Variants in PDE10A observed in about 807,000 individuals in gnomAD.
The protein encoded by PDE10A is phosphodiesterase 10A.
A neutral mutation model predicts 97.7 loss-of-function variants in PDE10A; 39 were observed. That is an observed-to-expected ratio of 0.40 (90% CI 0.31 to 0.52). The LOEUF is 0.52. PDE10A is among the 20% of genes least tolerant of loss of function. The pLI, the probability that PDE10A is intolerant of heterozygous loss-of-function variation, is 0.56. For missense variants in PDE10A, 731 were observed against 1,047.8 expected, an observed-to-expected ratio of 0.70 and a Z score of 4.17; for synonymous variants, 371 against 376.8, an observed-to-expected ratio of 0.98 and a Z score of 0.18.
chr6:165,630,909 G>A (rs1788598620), intron 1 of PDE10A, among the ~76,000 whole-genome samples: 8 of 152,140 alleles, frequency 5.3e-5, no homozygotes, highest in Admixed American at 5.2e-4. Flanking sequence ...TCTAGAATCG[G>A]CTGGATGGAA....
intron 10 of PDE10A, among the ~76,000 whole-genome samples, chr6:165,422,539 A>T (rs1215610987): frequency 2.0e-5 from 3 of 152,218 alleles, no homozygotes; most frequent in Non-Finnish European, 2.9e-5. Flanking sequence ...GCAACAGTAG[A>T]TTTTAAATTC....
chr6:165,563,908 C>T (rs1247379458), intron 1 of PDE10A, among the ~76,000 whole-genome samples: 1 of 151,188 alleles, frequency 6.6e-6, no homozygotes, highest in Non-Finnish European at 1.5e-5. Context: ...AAAAAGGTAG[C>T]TATAATGATG....
At chr6:165,432,231 A>G (rs193280083) in intron 7 of PDE10A, among the ~76,000 whole-genome samples, 246 of 152,336 alleles carry the variant, frequency 1.6e-3, no homozygotes, top group African/African-American at 5.4e-3. Context: ...AAAGCAGAAG[A>G]AGAGAGAAAG....
chr6:165,681,788 A>C (rs1790985275), intron 1 of PDE10A, among the ~76,000 whole-genome samples: 1 of 152,192 alleles, frequency 6.6e-6, no homozygotes, highest in East Asian at 1.9e-4. Flanking sequence ...GGTTTTACAA[A>C]CTGCTCCTAG....
intron 10 of PDE10A, among the ~76,000 whole-genome samples, chr6:165,420,235 C>T (rs1213927935): frequency 2.0e-5 from 3 of 152,116 alleles, no homozygotes; most frequent in Non-Finnish European, 2.9e-5. Context: ...GGGACATAGC[C>T]GCGTTCATTC....
chr6:165,431,534 T>C lies in PDE10A; in HGVS notation c.1492-62A>G. On this transcript the variant is annotated intron_variant, in intron 7 of 21. Coordinates refer to ENST00000539869, the MANE Select transcript of PDE10A (RefSeq NM_001385079.1). ...ATACATAACGTATATATATATACTA[T>C]ATATAATATACTATATATCATATGT... 9.8e-6 allele frequency: 5 copies of C among 510,970 alleles called. No individual in the cohort carries two copies. The Admixed American group carries it at 9.8e-5, about 10-fold the overall frequency. The allele number at this position is 510,970 out of a possible 1,614,324, so 31.7% of individuals were successfully genotyped here.
intron 1 of PDE10A, among the ~76,000 whole-genome samples, chr6:165,826,335 C>T (rs533954607): frequency 5.3e-5 from 8 of 151,054 alleles, no homozygotes; most frequent in African/African-American, 1.7e-4. Flanking sequence ...TCCTTCTGTC[C>T]CCATGTCCCT....
At chr6:165,413,751 G>T (rs1486712976) in intron 12 of PDE10A, 64 bp from the exon 13 acceptor site, 1 of 1,336,762 alleles carries the variant, frequency 7.5e-7, no homozygotes, top group Non-Finnish European at 1.0e-6. Context: ...AAAGGACACA[G>T]TCAGTCATAA....
chr6:165,507,415 T>C (rs868769306), intron 2 of PDE10A, among the ~76,000 whole-genome samples: 6 of 152,088 alleles, frequency 3.9e-5, no homozygotes, highest in Admixed American at 2.0e-4. Context: ...GCTAACACAG[T>C]ACTTGTAAAT....
At chr6:165,563,716 A>C (rs2769932) in intron 1 of PDE10A, among the ~76,000 whole-genome samples, 149,335 of 151,896 alleles carry the variant, frequency 0.98, 73,469 homozygotes, top group Middle Eastern at 1. Context: ...CATAGTGAAA[A>C]CCTGTCTCTA....
At chr6:165,818,833 T>C (rs1004878903) in intron 1 of PDE10A, among the ~76,000 whole-genome samples, 11 of 152,224 alleles carry the variant, frequency 7.2e-5, no homozygotes, top group African/African-American at 2.7e-4. Context: ...TAGAAGAGTA[T>C]TAAACCCTGC....
chr6:165,947,469 T>A (rs1324132347), intron 1 of PDE10A, among the ~76,000 whole-genome samples: 1 of 152,212 alleles, frequency 6.6e-6, no homozygotes, highest in East Asian at 1.9e-4. Flanking sequence ...ATTTATTCTA[T>A]ATTATTGATG....
At chr6:165,718,656 G>T (rs1207724839) in intron 1 of PDE10A, among the ~76,000 whole-genome samples, 2 of 150,948 alleles carry the variant, frequency 1.3e-5, no homozygotes, top group Non-Finnish European at 2.9e-5. Context: ...TTTCCCCCCG[G>T]ACGAGACACA....
At chr6:165,415,312 A>G (rs1788232158) in intron 12 of PDE10A, among the ~76,000 whole-genome samples, 2 of 152,176 alleles carry the variant, frequency 1.3e-5, no homozygotes. Flanking sequence ...TGTATATTTG[A>G]CATCAATTGA....
Position 165,530,615 on chromosome 6 carries a change from C to CA in PDE10A, c.994+12824_994+12825insT, listed in dbSNP as rs899421234. ...GTAAAACACCTGCACATGTACCCCC[C>CA]CCACGAATCTAAAATAAAAGTTAAA... On this transcript the variant is annotated intron_variant, in intron 2 of 21. Transcript: ENST00000539869. Among the ~76,000 whole-genome samples the CA allele has an allele frequency of 2.5e-4, 31 of 125,234 alleles. No individual in the cohort carries two copies. In the Admixed American group the frequency reaches 2.5e-3, roughly 10 times the overall value. 82.2% of individuals were successfully genotyped at this position (125,234 alleles called of 152,430 possible).
intron 1 of PDE10A, among the ~76,000 whole-genome samples, chr6:165,594,193 T>G (rs781583905): frequency 1.3e-5 from 2 of 152,146 alleles, no homozygotes; most frequent in Non-Finnish European, 2.9e-5. Flanking sequence ...CATTTCCCAC[T>G]GAACAGAACC....
chr6:165,412,417 T>C (rs955152959), intron 13 of PDE10A, among the ~76,000 whole-genome samples: 1 of 152,220 alleles, frequency 6.6e-6, no homozygotes, highest in African/African-American at 2.4e-5. Flanking sequence ...AATTACAATC[T>C]TTGCGACTTT....
chr6:165,382,546 T>A lies in PDE10A; in HGVS notation c.2611-3180A>T, dbSNP rs190403024. On this transcript the variant is annotated intron_variant, in intron 17 of 21. Transcript: ENST00000539869. ...ATGTCATTCTGCCACTTACTAGTTA[T>A]GTGACAAATAGATTACTTAACCTCC... Among the ~76,000 whole-genome samples the A allele has an allele frequency of 1.2e-3, 182 of 152,320 alleles. 1 individual carries two copies. The highest frequency in any genetic ancestry group is 4.1e-3 in the African/African-American group (172 of 41,578).
intron 1 of PDE10A, among the ~76,000 whole-genome samples, chr6:165,984,273 T>C (rs1033756482): frequency 1.2e-4 from 18 of 152,224 alleles, no homozygotes; most frequent in Non-Finnish European, 2.1e-4. Context: ...CTCTGTAGAC[T>C]CTTACTACCT....
Sources: gnomAD v4.1 joint callset for allele counts (sites outside exome capture counted in the v4.1 genomes callset) on GRCh38, gnomAD v4.1.1 for gene constraint, MANE v1.5 for transcripts, NCBI Gene and HGNC (gene_info 2026-07-23, HGNC 2026-07-21) for gene names.